The following NSUN4 variants were observed in gnomAD, a reference collection of about 807,000 sequenced individuals.
The protein encoded by NSUN4 is NOP2/Sun RNA methyltransferase 4.
NSUN4 carries 31 observed loss-of-function variants against 43.8 expected under a neutral mutation model. That is an observed-to-expected ratio of 0.71 (90% CI 0.53 to 0.96). NSUN4 has a LOEUF of 0.96. NSUN4 is among the 40% of genes least tolerant of loss of function. The probability of loss-of-function intolerance (pLI) is 0.00; values close to 1 mark genes in which losing one functional copy is unlikely to be tolerated. For synonymous variants in NSUN4, 167 were observed against 184.1 expected, an observed-to-expected ratio of 0.91 and a Z score of 0.75; for missense variants, 439 against 475.6, an observed-to-expected ratio of 0.92 and a Z score of 0.72.
Position 46,362,673 on chromosome 1 carries a change from G to A in NSUN4, c.*827G>A, listed in dbSNP as rs1312650480. The A allele has an allele frequency of 6.6e-6, 1 of 152,172 alleles. No individual in the cohort carries two copies. Among genetic ancestry groups the A allele is most frequent in the African/African-American group, 2.4e-5 (1 of 41,436 alleles). 9.4% of individuals were successfully genotyped at this position (152,172 alleles called of 1,614,324 possible). On this transcript the variant is annotated 3_prime_UTR_variant, in exon 6 of 6. Transcript: ENST00000474844. The stretch of plus-strand genomic sequence containing the variant: ...CTGGGCTTCCTCATCCTTTAGAATG[G>A]TAACTCTCCTTTTGCTTTCTGAACA...
At chr1:46,359,996 A>G (rs1243937405) in intron 4 of NSUN4, among the ~76,000 whole-genome samples, 1 of 151,168 alleles carries the variant, frequency 6.6e-6, no homozygotes, top group African/African-American at 2.4e-5. Flanking sequence ...TCAGGAGGCC[A>G]AGGCGGGCAG....
At chr1:46,351,877 G>A (rs1233671087) in intron 3 of NSUN4, among the ~76,000 whole-genome samples, 2 of 151,444 alleles carry the variant, frequency 1.3e-5, no homozygotes, top group African/African-American at 4.8e-5. Context: ...TGTTAGCCAG[G>A]ATGGTCTCGA....
the NSUN4 span, among the ~76,000 whole-genome samples, chr1:46,381,551 T>C: frequency 6.6e-6 from 1 of 152,226 alleles, no homozygotes; most frequent in Admixed American, 6.5e-5. Flanking sequence ...GTGAATGCTT[T>C]GCAACTGGAG....
chr1:46,364,141 C>CA lies in NSUN4; in HGVS notation c.*2314dup, dbSNP rs35804070. ...CAATGTAGTGAGACCTGGTCTTTAC[C>CA]AAAAAAAAAAAAAAAAAAATTAGCT... On this transcript the variant is annotated 3_prime_UTR_variant, in exon 6 of 6. Coordinates refer to ENST00000474844, the MANE Select transcript of NSUN4 (RefSeq NM_199044.4). The CA allele has an allele frequency of 0.43, 46,953 of 110,262 alleles. 8,911 individuals carry two copies. The highest frequency in any genetic ancestry group is 0.52 in the East Asian group (2,071 of 3,946). 6.8% of individuals were successfully genotyped at this position (110,262 alleles called of 1,614,324 possible).
downstream of NSUN4, among the ~76,000 whole-genome samples, chr1:46,368,559 A>C (rs902689211): frequency 1.3e-5 from 2 of 152,188 alleles, no homozygotes; most frequent in Non-Finnish European, 2.9e-5. Context: ...TTAAACGGTT[A>C]GGTGACCCAA....
the NSUN4 span, among the ~76,000 whole-genome samples, chr1:46,383,600 C>T: frequency 2.9e-3 from 437 of 151,990 alleles, 4 homozygotes; most frequent in Non-Finnish European, 5.4e-3. Context: ...GGACTACAGG[C>T]GCCTGCCACC....
At chr1:46,346,827 G>C (rs1024078706) in intron 2 of NSUN4, 94 bp from the exon 3 acceptor site, 25 of 990,074 alleles carry the variant, frequency 2.5e-5, no homozygotes, top group Non-Finnish European at 3.8e-5. Flanking sequence ...GGTGATTGGA[G>C]CTCAAGCCCC....
intron 4 of NSUN4, among the ~76,000 whole-genome samples, chr1:46,356,328 C>G (rs557073483): frequency 1.0e-3 from 154 of 152,182 alleles, no homozygotes; most frequent in Non-Finnish European, 1.1e-3. Context: ...GCCTCAGCCC[C>G]CCAAAGCATT....
chr1:46,366,895 T>A (rs1309158328), downstream of NSUN4, among the ~76,000 whole-genome samples: 2 of 152,096 alleles, frequency 1.3e-5, no homozygotes, highest in African/African-American at 4.8e-5. Context: ...GAGGGTCAGG[T>A]ATTGGGGCAG....
intron 2 of NSUN4, among the ~76,000 whole-genome samples, chr1:46,346,062 A>C (rs182856762): frequency 3.7e-4 from 55 of 150,106 alleles, no homozygotes; most frequent in African/African-American, 1.4e-3. Context: ...GAGGCAGGAG[A>C]ATTGCTTGAA....
intron 2 of NSUN4, 83 bp downstream of exon 2, chr1:46,345,227 A>G: frequency 1.0e-6 from 1 of 986,566 alleles, no homozygotes; most frequent in South Asian, 1.6e-5. Flanking sequence ...ACCCTCTGTA[A>G]TAAGGACCAT....
chr1:46,354,683 T>C (rs1205607337), intron 4 of NSUN4, among the ~76,000 whole-genome samples: 2 of 151,400 alleles, frequency 1.3e-5, no homozygotes, highest in Non-Finnish European at 2.9e-5. Flanking sequence ...TGAGACAGTT[T>C]TGCTCTTGTT....
chr1:46,375,435 CAAAAA>C, the NSUN4 span, among the ~76,000 whole-genome samples: 1 of 119,748 alleles, frequency 8.4e-6, no homozygotes, highest in Non-Finnish European at 1.7e-5. Context: ...AACTCGTTCT[CAAAAA>C]AAAAAAAAAA....
intron 4 of NSUN4, 32 bp downstream of exon 4, chr1:46,353,060 A>G (rs370754681): frequency 6.2e-6 from 10 of 1,607,096 alleles, no homozygotes; most frequent in Admixed American, 1.7e-5. Flanking sequence ...ACATGCATCC[A>G]GCTTAATGCG....
At chr1:46,372,836 C>T in the NSUN4 span, among the ~76,000 whole-genome samples, 1 of 152,228 alleles carries the variant, frequency 6.6e-6, no homozygotes, top group African/African-American at 2.4e-5. Context: ...AATTCTCCCA[C>T]CTCAGCCTCC....
At position 46,362,175 on chromosome 1, in the gene NSUN4, A is replaced by C; in HGVS notation, c.*329A>C. The C allele has an allele frequency of 3.1e-6, 1 of 318,242 alleles. No individual in the cohort carries two copies. 19.7% of individuals were successfully genotyped at this position (318,242 alleles called of 1,614,324 possible). ...ACATAGGAGAAGCATTTGGCCAATA[A>C]AGTTGTTGAAACTCTATAGACCTGG... On this transcript the variant is annotated 3_prime_UTR_variant, in exon 6 of 6. Coordinates refer to ENST00000474844, the MANE Select transcript of NSUN4 (RefSeq NM_199044.4).
At chr1:46,379,129 G>A in the NSUN4 span, among the ~76,000 whole-genome samples, 4 of 152,190 alleles carry the variant, frequency 2.6e-5, no homozygotes, top group Non-Finnish European at 4.4e-5. Flanking sequence ...AATCAACTTA[G>A]CAGAGGAGAC....
intron 4 of NSUN4, among the ~76,000 whole-genome samples, chr1:46,358,857 T>C (rs1557743571): frequency 6.6e-6 from 1 of 152,236 alleles, no homozygotes; most frequent in Admixed American, 6.5e-5. Flanking sequence ...TCAAAACTAT[T>C]GTTGACAATC....
At chr1:46,380,209 AGG>A in the NSUN4 span, among the ~76,000 whole-genome samples, 3 of 152,168 alleles carry the variant, frequency 2.0e-5, no homozygotes, top group Admixed American at 2.0e-4. Context: ...GTGCCAGGGA[AGG>A]TATTACCTGT....
Sources: allele counts gnomAD v4.1 joint callset (sites outside exome capture counted in the v4.1 genomes callset), GRCh38; gene constraint gnomAD v4.1.1; transcripts MANE v1.5; gene names NCBI Gene and HGNC (gene_info 2026-07-23, HGNC 2026-07-21).